The following NDRG2 variants were observed in gnomAD, a reference collection of about 807,000 sequenced individuals.
NDRG2 encodes the protein protein NDRG2.
In NDRG2, 34 loss-of-function variants were observed where a neutral mutation model predicts 58.2. That is an observed-to-expected ratio of 0.58 (90% confidence interval 0.44 to 0.78). The LOEUF (loss-of-function observed/expected upper bound fraction) is 0.78. Ranked by LOEUF, NDRG2 falls within the 30% of genes least tolerant of loss-of-function variation. The probability of loss-of-function intolerance (pLI) is 0.00; values close to 1 mark genes in which losing one functional copy is unlikely to be tolerated. For missense variants in NDRG2, 434 were observed against 471.2 expected (o/e 0.92, Z 0.73); for synonymous variants, 187 against 175.9 (o/e 1.06, Z -0.50).
upstream of NDRG2, chr14:21,030,735 A>G (rs1566486458): frequency 7.4e-6 from 12 of 1,614,104 alleles, no homozygotes; most frequent in Non-Finnish European, 9.3e-6. Flanking sequence ...GGACGTGGAC[A>G]TCGTGTTCAG....
chr14:21,018,557 C>T (rs1878222006), intron 12 of NDRG2, 53 bp from the exon 13 acceptor site: 2 of 1,600,826 alleles, frequency 1.2e-6, no homozygotes, highest in Admixed American at 3.4e-5. Flanking sequence ...GTGGCGCCTC[C>T]CCCGTAAGGG....
chr14:21,018,548 T>C, intron 12 of NDRG2, 44 bp from the exon 13 acceptor site: 4 of 1,606,974 alleles, frequency 2.5e-6, no homozygotes, highest in Non-Finnish European at 3.4e-6. Context: ...ACGCCCACTG[T>C]GGCGCCTCCC....
intron 1 of NDRG2, among the ~76,000 whole-genome samples, chr14:21,037,473 C>T (rs932576970): frequency 2.0e-5 from 3 of 152,174 alleles, no homozygotes; most frequent in Non-Finnish European, 2.9e-5. Flanking sequence ...TTCAGTAGTT[C>T]CAGGGACAAT....
Position 21,020,660 on chromosome 14 carries a change from G to C in NDRG2, c.469-78C>G, listed in dbSNP as rs1397223985. ...TCCCCGCTAAGCTCGACCCACTCCT[G>C]GACTCCCACAGGGCCTGACTCCCCA... On this transcript the variant is annotated intron_variant, in intron 7 of 15. Coordinates refer to ENST00000556147, the MANE Select transcript of NDRG2 (RefSeq NM_001320329.2). 1.9e-6 allele frequency: 3 copies of C among 1,576,624 alleles called. No homozygotes were observed. In the East Asian group the frequency reaches 6.7e-5, roughly 35 times the overall value.
Position 21,024,729 on chromosome 14 carries a change from C to T in NDRG2, c.-706G>A, listed in dbSNP as rs1008307931. ...GATGGGTAGGACAGAGGAGACCGGCCGGGCCCAGCACCCGGAACCCGTCCC... is the reference window on the plus strand; with the variant it reads ...GATGGGTAGGACAGAGGAGACCGGCTGGGCCCAGCACCCGGAACCCGTCCC... On this transcript the variant is annotated 5_prime_UTR_variant, in exon 1 of 16. Coordinates refer to ENST00000556147, the MANE Select transcript of NDRG2 (RefSeq NM_001320329.2). 1 of 985,472 alleles carries T rather than the reference C, an allele frequency of 1.0e-6. No homozygotes were observed. Among genetic ancestry groups the T allele is most frequent in the Non-Finnish European group, 1.2e-6 (1 of 829,978 alleles). The allele number at this position is 985,472 out of a possible 1,614,324, so 61.0% of individuals were successfully genotyped here.
intron 13 of NDRG2, 80 bp downstream of exon 13, chr14:21,018,377 T>C (rs1016674256): frequency 2.7e-5 from 43 of 1,606,932 alleles, no homozygotes; most frequent in Non-Finnish European, 2.0e-5. Flanking sequence ...TTTGCTCCCA[T>C]GCCGGGCCCT....
At chr14:21,060,048 C>T (rs12432962) in intron 1 of NDRG2, among the ~76,000 whole-genome samples, 46,199 of 152,144 alleles carry the variant, frequency 0.3, 8,464 homozygotes, top group East Asian at 0.48. Context: ...TATACTCACA[C>T]TCAACAAGAC....
At chr14:21,035,826 G>T (rs1216296940) in intron 1 of NDRG2, 6 of 456,164 alleles carry the variant, frequency 1.3e-5, no homozygotes, top group Non-Finnish European at 2.6e-5. Context: ...AAACCTGAAA[G>T]TGATCCTAGA....
chr14:21,043,028 G>C (rs1465536848), intron 1 of NDRG2: 2 of 1,614,090 alleles, frequency 1.2e-6, no homozygotes, highest in Admixed American at 1.7e-5. Context: ...GCCCCCTTCT[G>C]CTGCTTCTGC....
intron 6 of NDRG2, 40 bp downstream of exon 6, chr14:21,021,777 A>C: frequency 6.3e-7 from 1 of 1,597,032 alleles, no homozygotes; most frequent in Non-Finnish European, 8.5e-7. Flanking sequence ...CTTGTGCTGG[A>C]AAGAGAACTC....
intron 15 of NDRG2, 43 bp from the exon 16 acceptor site, chr14:21,017,805 G>C (rs1877568680): frequency 1.2e-6 from 2 of 1,604,680 alleles, no homozygotes; most frequent in African/African-American, 1.3e-5. Context: ...AGAGGAAGTG[G>C]GGAAGGGGGG....
rs752203959 is a variant in NDRG2 at position 21,018,854 on chromosome 14, G to A, written c.762-40C>T. 2.7e-5 allele frequency: 43 copies of A among 1,612,042 alleles called. No individual in the cohort carries two copies. In the South Asian group the frequency reaches 4.4e-4, roughly 16 times the overall value. On this transcript the variant is annotated intron_variant, in intron 11 of 15. Transcript: ENST00000556147. Reference sequence around the variant, plus strand: ...TTGGGGAGAAGGCAGTGAGCCCCTGGCACTCCCTCACTGGCCTCTGCCTAG... The same window carrying A: ...TTGGGGAGAAGGCAGTGAGCCCCTGACACTCCCTCACTGGCCTCTGCCTAG...
chr14:21,048,442 AG>A (rs907624523), intron 1 of NDRG2: 1 of 152,108 alleles, frequency 6.6e-6, no homozygotes, highest in Non-Finnish European at 1.5e-5. Context: ...TAGCTTAGGG[AG>A]GTGGGAGTTT....
At position 21,017,126 on chromosome 14, in the gene NDRG2, A is replaced by T; in HGVS notation, c.*470T>A. The T allele has an allele frequency of 2.4e-6, 1 of 416,528 alleles. No homozygotes were observed. Among genetic ancestry groups the T allele is most frequent in the Non-Finnish European group, 4.9e-6 (1 of 204,240 alleles). The allele number at this position is 416,528 out of a possible 1,614,324, so 25.8% of individuals were successfully genotyped here. Reference sequence around the variant, plus strand: ...ACCAGCAAGTCTCCCCCTGACACACATTCACGTAGGTCCATACCCTTCAGA... The same window carrying T: ...ACCAGCAAGTCTCCCCCTGACACACTTTCACGTAGGTCCATACCCTTCAGA... On this transcript the variant is annotated 3_prime_UTR_variant, in exon 16 of 16. Coordinates refer to ENST00000556147, the MANE Select transcript of NDRG2 (RefSeq NM_001320329.2).
Position 21,066,683 on chromosome 14 carries a change from C to T in NDRG2, c.24+4145G>A, listed in dbSNP as rs570415912. On this transcript the variant is annotated intron_variant, in intron 1 of 14. Coordinates refer to the NDRG2 transcript ENST00000403829. ...ACTCTGGCTATGGTGCAGAGAATGG[C>T]TTATCAGAAGGTAAGAGTGGAACAG... Among the ~76,000 whole-genome samples, 90 of 152,280 alleles carry T rather than the reference C, an allele frequency of 5.9e-4. 1 individual carries two copies. The highest frequency in any genetic ancestry group is 1.8e-3 in the African/African-American group (75 of 41,560).
rs1441110957 is a variant in NDRG2, at chr14:21,020,501, G to A, written c.550C>T (p.His184Tyr). Residue 184 changes from histidine (H) to tyrosine (Y), a missense_variant, in exon 8 of 16, where the codon CAC becomes TAC. Transcript: ENST00000556147. ...NAKGWMDWAA[H>Y]KLTGLTSSIP... is the part of the protein sequence containing the mutation. ...GCACACAGGCCCCTCCAAACCTTGTGGGCTGCCCAATCCATCCAACCCTTG... is the reference window on the plus strand; with the variant it reads ...GCACACAGGCCCCTCCAAACCTTGTAGGCTGCCCAATCCATCCAACCCTTG... 1.2e-6 allele frequency: 2 copies of A among 1,613,162 alleles called. No homozygotes were observed. Among genetic ancestry groups the A allele is most frequent in the Non-Finnish European group, 1.7e-6 (2 of 1,179,638 alleles).
In NDRG2 at chr14:21,025,058, A is replaced by T. The variant is rs1883161799; in HGVS notation, c.-1035T>A. 7 of 981,208 alleles carry T rather than the reference A, an allele frequency of 7.1e-6. No individual in the cohort carries two copies. Among genetic ancestry groups the T allele is most frequent in the South Asian group, 4.7e-5 (1 of 21,096 alleles). 60.8% of individuals were successfully genotyped at this position (981,208 alleles called of 1,614,324 possible). ...TGCCGCCGCGGCCGCTTCCACCTTC[A>T]CTTGCCTTTGACTCGGGCCCGCCCC... On this transcript the variant is annotated 5_prime_UTR_variant, in exon 1 of 16. Coordinates refer to ENST00000556147, the MANE Select transcript of NDRG2 (RefSeq NM_001320329.2). The surrounding 1 kb of genome is among the most constrained non-coding windows in gnomAD (Gnocchi z 5.1).
chr14:21,044,025 ATTAG>A (rs1198373215), intron 1 of NDRG2: 2 of 168,744 alleles, frequency 1.2e-5, no homozygotes, highest in South Asian at 2.0e-4. Context: ...AGCTTGTCTA[ATTAG>A]TTAGTAGCAG....
In NDRG2 at chr14:21,070,311, G is replaced by A. The variant is rs1886600383; in HGVS notation, c.24+517C>T. The A allele has an allele frequency of 7.3e-7, 1 of 1,370,310 alleles. No homozygotes were observed. Among genetic ancestry groups the A allele is most frequent in the Non-Finnish European group, 9.4e-7 (1 of 1,060,276 alleles). 84.9% of individuals were successfully genotyped at this position (1,370,310 alleles called of 1,614,324 possible). On this transcript the variant is annotated intron_variant, in intron 1 of 14. Transcript: ENST00000403829. This position sits in a 1 kb window ranked among gnomAD's most constrained non-coding sequence, Gnocchi z 4.7. Reference sequence around the variant, plus strand: ...CGGAGCTGTCCCTTAGCCAGACCCGGCGAGACACGAGCGGCGGGAGGGAGG... The same window carrying A: ...CGGAGCTGTCCCTTAGCCAGACCCGACGAGACACGAGCGGCGGGAGGGAGG...
Sources: gnomAD v4.1 joint callset for allele counts (sites outside exome capture counted in the v4.1 genomes callset) on GRCh38, gnomAD v4.1.1 for gene constraint, Gnocchi (gnomAD v3.1) non-coding constraint, MANE v1.5 for transcripts, NCBI Gene and HGNC (gene_info 2026-07-23, HGNC 2026-07-21) for gene names.